The following ABCC5 variants were observed in gnomAD, a reference collection of about 807,000 sequenced individuals.
The protein encoded by ABCC5 is ATP binding cassette subfamily C member 5.
A neutral mutation model predicts 160.9 loss-of-function variants in ABCC5; 61 were observed. The ratio of observed to expected loss-of-function variants is 0.38; its 90% CI spans 0.31 to 0.47. The LOEUF is 0.47. ABCC5 is among the 20% of genes least tolerant of loss of function. ABCC5 has a pLI of 0.99. For missense variants in ABCC5, 1,308 were observed against 1,813.3 expected, an observed-to-expected ratio of 0.72 and a Z score of 5.06; for synonymous variants, 666 against 700.6, an observed-to-expected ratio of 0.95 and a Z score of 0.78.
At chr3:183,966,699 G>A (rs969650794) in intron 12 of ABCC5, among the ~76,000 whole-genome samples, 18 of 151,968 alleles carry the variant, frequency 1.2e-4, no homozygotes, top group Non-Finnish European at 2.5e-4. Flanking sequence ...CAATGGCTGG[G>A]CCCAGCCACT....
intron 15 of ABCC5, among the ~76,000 whole-genome samples, chr3:183,962,676 C>A (rs903755217): frequency 2.6e-5 from 4 of 151,962 alleles, no homozygotes; most frequent in Non-Finnish European, 1.5e-5. Flanking sequence ...GGATTGCAGG[C>A]ACGTGCCACC....
At chr3:183,960,635 G>T (rs1420492008) in intron 16 of ABCC5, among the ~76,000 whole-genome samples, 1 of 152,202 alleles carries the variant, frequency 6.6e-6, no homozygotes, top group Non-Finnish European at 1.5e-5. Context: ...CTTAAGGACA[G>T]AGATGATGTC....
chr3:184,009,658 CT>C (rs754068744), intron 2 of ABCC5, among the ~76,000 whole-genome samples: 7 of 152,112 alleles, frequency 4.6e-5, no homozygotes, highest in Non-Finnish European at 1.0e-4. Context: ...GGTGTCTGAA[CT>C]TACAAAAATA....
Position 183,988,496 on chromosome 3 carries a change from C to A in ABCC5, c.443+76G>T. On this transcript the variant is annotated intron_variant, in intron 4 of 29. Coordinates refer to ENST00000334444, the MANE Select transcript of ABCC5 (RefSeq NM_005688.4). This position sits in a 1 kb window ranked among gnomAD's most constrained non-coding sequence, Gnocchi z 4.4. ...AGCTCGGCTCTTTAAAGACACAGAGCTGTGGACTTCACACTCCTAGCTCAG... is the reference window on the plus strand; with the variant it reads ...AGCTCGGCTCTTTAAAGACACAGAGATGTGGACTTCACACTCCTAGCTCAG... The A allele has an allele frequency of 6.5e-7, 1 of 1,527,216 alleles. No individual in the cohort carries two copies. 94.6% of individuals were successfully genotyped at this position (1,527,216 alleles called of 1,614,324 possible). A position where few individuals can be genotyped will look rare whatever the true frequency, so the allele number is the denominator to read the frequency against.
chr3:183,965,943 A>G (rs973808274), intron 12 of ABCC5, among the ~76,000 whole-genome samples: 9 of 151,614 alleles, frequency 5.9e-5, no homozygotes, highest in South Asian at 4.2e-4. Flanking sequence ...GGACCAAGGG[A>G]AAAAAAAAGT....
chr3:183,995,323 A>G (rs1423698715), intron 2 of ABCC5, among the ~76,000 whole-genome samples: 1 of 152,012 alleles, frequency 6.6e-6, no homozygotes, highest in Admixed American at 6.6e-5. Flanking sequence ...TTCTTTTACA[A>G]TTGTGCTTTT....
intron 24 of ABCC5, among the ~76,000 whole-genome samples, chr3:183,944,408 A>G (rs1281265296): frequency 6.6e-6 from 1 of 152,150 alleles, no homozygotes; most frequent in South Asian, 2.1e-4. Flanking sequence ...AAATAAAAAA[A>G]TAAAAAATAA....
Position 183,961,519 on chromosome 3 carries a change from G to A in ABCC5, c.2371C>T (p.Pro791Ser). The stretch of plus-strand genomic sequence containing the variant: ...ACACCATCAGATCTTACCTCAACTG[G>A]CGGTGTCTCTCCCAGCAACAGGTTA... ...FNNLLLGETP[P>S]VEINSKKETS... is the part of the protein sequence containing the mutation. The change falls in exon 16 of 30, where the codon CCA becomes TCA. Residue 791 changes from proline (P) to serine (S), a missense_variant. By Grantham distance (74) the Pro-to-Ser change is moderately conservative (BLOSUM62 -1). Coordinates refer to ENST00000334444, the MANE Select transcript of ABCC5 (RefSeq NM_005688.4). The A allele has an allele frequency of 6.2e-7, 1 of 1,614,132 alleles. No homozygotes were observed. The highest frequency in any genetic ancestry group is 1.3e-5 in the African/African-American group (1 of 75,036).
At position 183,965,454 on chromosome 3, in the gene ABCC5, A is replaced by G. The variant is rs1006684729; in HGVS notation, c.1881T>C (p.Tyr627=). 46 of 1,613,714 alleles carry G rather than the reference A, an allele frequency of 2.9e-5. No individual in the cohort carries two copies. Among genetic ancestry groups the G allele is most frequent in the Middle Eastern group, 1.6e-4 (1 of 6,084 alleles). ...GSIAISGTFA[Y]VAQQAWILNA... is the part of the protein sequence containing the mutation. Reference sequence around the variant, plus strand: ...TGAGGATCCAGGCCTGCTGGGCCACATAAGCGAAGGTTCCACTGATTGCAA... The same window carrying G: ...TGAGGATCCAGGCCTGCTGGGCCACGTAAGCGAAGGTTCCACTGATTGCAA... The change falls in exon 13 of 30, where the codon TAT becomes TAC. Residue 627 remains tyrosine (Y), a synonymous_variant. Transcript: ENST00000334444.
chr3:183,956,447 A>T (rs376929568), intron 17 of ABCC5, among the ~76,000 whole-genome samples: 165 of 110,984 alleles, frequency 1.5e-3, no homozygotes, highest in African/African-American at 3.9e-3. Context: ...TCCGTGTGTA[A>T]ATCACATCGG....
intron 17 of ABCC5, among the ~76,000 whole-genome samples, chr3:183,959,309 G>T (rs775525660): frequency 6.6e-6 from 1 of 152,118 alleles, no homozygotes; most frequent in Non-Finnish European, 1.5e-5. Context: ...ACAAAGTGAC[G>T]AGTCTACTGT....
At chr3:184,008,294 C>T (rs1280689064) in intron 2 of ABCC5, among the ~76,000 whole-genome samples, 1 of 151,910 alleles carries the variant, frequency 6.6e-6, no homozygotes, top group Non-Finnish European at 1.5e-5. Context: ...AATCAGGGCT[C>T]GTGGAGTCAT....
intron 12 of ABCC5, among the ~76,000 whole-genome samples, chr3:183,966,275 C>T (rs1242749445): frequency 1.3e-5 from 2 of 152,208 alleles, no homozygotes; most frequent in East Asian, 1.9e-4. Flanking sequence ...GGTGTACCTA[C>T]GTACACCACA....
intron 10 of ABCC5, among the ~76,000 whole-genome samples, chr3:183,975,422 AC>A (rs1360324048): frequency 6.6e-6 from 1 of 151,288 alleles, no homozygotes; most frequent in African/African-American, 2.4e-5. Context: ...ACTCATGGCA[AC>A]CCCTACCTCC....
chr3:183,982,583 C>G lies in ABCC5; in HGVS notation c.867G>C (p.Glu289Asp), dbSNP rs1283662920. The G allele has an allele frequency of 1.2e-6, 2 of 1,614,094 alleles. No homozygotes were observed. The highest frequency in any genetic ancestry group is 2.2e-5 in the South Asian group (2 of 91,074). ...ICSNDGQRMF[E>D]AAAVGSLLAG... Reference sequence around the variant, plus strand: ...CCAGCAGGCTGCCAACGGCTGCTGCCTCAAACATTCTCTGCCCATCGTTGG... The same window carrying G: ...CCAGCAGGCTGCCAACGGCTGCTGCGTCAAACATTCTCTGCCCATCGTTGG... The change falls in exon 7 of 30, where the codon GAG becomes GAC. Residue 289 changes from glutamate to aspartate, a missense_variant. By Grantham distance (45) the Glu-to-Asp change is conservative. This residue lies in a region of ABCC5 where 1,142 missense variants were observed against 1,527.1 expected (regional missense o/e 0.75). Coordinates refer to ENST00000334444, the MANE Select transcript of ABCC5 (RefSeq NM_005688.4). The surrounding 1 kb of genome is among the most constrained non-coding windows in gnomAD (Gnocchi z 5.2).
chr3:184,000,220 G>A (rs753299196), intron 2 of ABCC5, among the ~76,000 whole-genome samples: 2 of 151,816 alleles, frequency 1.3e-5, no homozygotes, highest in Admixed American at 6.6e-5. Context: ...AAGGGACACC[G>A]TTAGCCCCAG....
In ABCC5 at chr3:183,949,665, T is replaced by A. The variant is rs567130206; in HGVS notation, c.3227+88A>T. 9.3e-6 allele frequency: 14 copies of A among 1,499,510 alleles called. No individual in the cohort carries two copies. Among genetic ancestry groups the A allele is most frequent in the Non-Finnish European group, 1.2e-5 (13 of 1,105,550 alleles). The allele number at this position is 1,499,510 out of a possible 1,614,324, so 92.9% of individuals were successfully genotyped here. A position where few individuals can be genotyped will look rare whatever the true frequency, so the allele number is the denominator to read the frequency against. ...TTGGTAATGAGGTTTATAATCCCCA[T>A]CTCTGGCCTTGAAGAGCCTCCCGGA... On this transcript the variant is annotated intron_variant, in intron 22 of 29. Coordinates refer to ENST00000334444, the MANE Select transcript of ABCC5 (RefSeq NM_005688.4). The surrounding 1 kb of genome is among the most constrained non-coding windows in gnomAD (Gnocchi z 4.2).
At chr3:183,932,732 G>A (rs961576509) in intron 26 of ABCC5, among the ~76,000 whole-genome samples, 17 of 152,218 alleles carry the variant, frequency 1.1e-4, no homozygotes, top group African/African-American at 4.1e-4. Context: ...GGGAGGCAGA[G>A]GTGGGAGAAT....
intron 2 of ABCC5, among the ~76,000 whole-genome samples, chr3:183,994,610 G>C (rs1296858516): frequency 1.2e-4 from 18 of 152,168 alleles, no homozygotes; most frequent in Non-Finnish European, 2.9e-5. Flanking sequence ...TCCTAACCTA[G>C]TGATCCGCCT....
Sources: gnomAD v4.1 joint callset for allele counts (sites outside exome capture counted in the v4.1 genomes callset) on GRCh38, gnomAD v4.1.1 for gene constraint, gnomAD v4.1.1 regional missense constraint, Gnocchi (gnomAD v3.1) non-coding constraint, MANE v1.5 for transcripts, NCBI Gene and HGNC (gene_info 2026-07-23, HGNC 2026-07-21) for gene names.